The following VANGL2 variants were observed in gnomAD, a reference collection of about 807,000 sequenced individuals.
The protein encoded by VANGL2 is vang-like protein 2.
VANGL2 carries 14 observed loss-of-function variants against 50.2 expected under a neutral mutation model. The ratio of observed to expected loss-of-function variants is 0.28; its 90% CI spans 0.18 to 0.44. VANGL2 has a LOEUF of 0.44. Among genes scored for constraint, VANGL2 ranks in the 20% least tolerant of loss-of-function variants. The pLI, the probability that VANGL2 is intolerant of heterozygous loss-of-function variation, is 1.00. For synonymous variants in VANGL2, 295 were observed against 297.2 expected, an observed-to-expected ratio of 0.99 and a Z score of 0.08; for missense variants, 533 against 701.5, an observed-to-expected ratio of 0.76 and a Z score of 2.71.
intron 1 of VANGL2, among the ~76,000 whole-genome samples, chr1:160,409,172 G>A (rs1571237801): frequency 6.6e-6 from 1 of 152,196 alleles, no homozygotes. Flanking sequence ...GGCTACTCAA[G>A]GAACCAGTGT....
At chr1:160,418,087 G>C (rs543893195) in intron 3 of VANGL2, among the ~76,000 whole-genome samples, 27 of 151,736 alleles carry the variant, frequency 1.8e-4, no homozygotes, top group Non-Finnish European at 1.9e-4. Context: ...AATTTTTTGT[G>C]TGTGTGTGTT....
At chr1:160,411,863 GGTGTGTGTGT>G (rs144604516) in intron 1 of VANGL2, among the ~76,000 whole-genome samples, 1 of 150,282 alleles carries the variant, frequency 6.7e-6, no homozygotes, top group Admixed American at 6.6e-5. Context: ...GGTTCTGGTT[GGTGTGTGTGT>G]GTGTGTGTAT....
intron 1 of VANGL2, among the ~76,000 whole-genome samples, chr1:160,411,723 G>A (rs1318783731): frequency 6.6e-6 from 1 of 152,156 alleles, no homozygotes; most frequent in East Asian, 1.9e-4. Flanking sequence ...AGTAGCAGGG[G>A]AGGAAGATAG....
At chr1:160,403,689 A>G (rs1650558840) in intron 1 of VANGL2, among the ~76,000 whole-genome samples, 1 of 152,162 alleles carries the variant, frequency 6.6e-6, no homozygotes, top group South Asian at 2.1e-4. Context: ...CCTTCCCTCA[A>G]GTGTTCATCA....
Position 160,421,140 on chromosome 1 carries a change from C to T in VANGL2, c.1026C>T (p.Tyr342=), listed in dbSNP as rs774638275. The part of the protein sequence containing the change: ...RRRDNSHNEY[Y]YEEAEHERRV... ...GGGACAACAGTCACAATGAGTACTA[C>T]TATGAGGAGGCTGAGCATGAGCGAA... The change falls in exon 6 of 8, where the codon TAC becomes TAT. Residue 342 remains tyrosine (Y), a synonymous_variant. Coordinates refer to ENST00000368061, the MANE Select transcript of VANGL2 (RefSeq NM_020335.3). 8.0e-5 allele frequency: 129 copies of T among 1,613,920 alleles called. No homozygotes were observed. Among genetic ancestry groups the T allele is most frequent in the East Asian group, 7.6e-4 (34 of 44,892 alleles).
chr1:160,407,233 G>A (rs558456604), intron 1 of VANGL2, among the ~76,000 whole-genome samples: 1 of 152,182 alleles, frequency 6.6e-6, no homozygotes, highest in Admixed American at 6.5e-5. Context: ...TCAGGTAGGG[G>A]GGTGGTCGCG....
Position 160,425,183 on chromosome 1 carries a change from C to T in VANGL2, c.1371C>T (p.Ala457=), listed in dbSNP as rs201765168. 4.8e-4 allele frequency: 767 copies of T among 1,614,120 alleles called. 8 individuals carry two copies. In the South Asian group the frequency reaches 7.8e-3, roughly 16 times the overall value. ...AGTACCACAAGGAACGCTGGCTGGC[C>T]AAACAGTGGACATTGGTGAGCGAGG... ...TIQYHKERWL[A]KQWTLVSEEP... Residue 457 remains alanine (A), a synonymous_variant, in exon 8 of 8, where the codon GCC becomes GCT. Transcript: ENST00000368061.
In VANGL2 at chr1:160,420,555, G is replaced by A. The variant is rs749147823; in HGVS notation, c.937+8G>A. The A allele has an allele frequency of 6.2e-7, 1 of 1,614,144 alleles. No homozygotes were observed. Among genetic ancestry groups the A allele is most frequent in the Non-Finnish European group, 8.5e-7 (1 of 1,180,034 alleles). ...TGTATTCCCTCGGAGAGGGTGAGCA[G>A]CCCTGCTCCTCTGCCCTTCCCTGTC... On this transcript the variant is annotated splice_region_variant and intron_variant, in intron 5 of 7. Coordinates refer to ENST00000368061, the MANE Select transcript of VANGL2 (RefSeq NM_020335.3).
chr1:160,415,663 TTC>T lies in VANGL2; in HGVS notation c.-171_-170del. On this transcript the variant is annotated 5_prime_UTR_variant, in exon 2 of 8. Transcript: ENST00000368061. Reference sequence around the variant, plus strand: ...CTCTCACCAGGAGCGTCGCTGGATTTTCTCTGAGACAAGCCCACCCGTCCAGC... The same window carrying T: ...CTCTCACCAGGAGCGTCGCTGGATTTTCTGAGACAAGCCCACCCGTCCAGC... 1 of 723,518 alleles carries T rather than the reference TTC, an allele frequency of 1.4e-6. No individual in the cohort carries two copies. The allele number at this position is 723,518 out of a possible 1,614,324, so 44.8% of individuals were successfully genotyped here.
At chr1:160,414,541 G>T (rs1164606892) in intron 1 of VANGL2, among the ~76,000 whole-genome samples, 1 of 152,150 alleles carries the variant, frequency 6.6e-6, no homozygotes, top group Admixed American at 6.5e-5. Context: ...TTGCTGTTCT[G>T]CCCTTCCATC....
intron 7 of VANGL2, 24 bp from the exon 8 acceptor site, chr1:160,425,094 T>C (rs377167619): frequency 2.1e-5 from 34 of 1,613,894 alleles, no homozygotes; most frequent in Non-Finnish European, 2.8e-5. Flanking sequence ...GAGATTCTTA[T>C]GCAGCCCCTT....
chr1:160,407,497 G>A (rs1386111291), intron 1 of VANGL2, among the ~76,000 whole-genome samples: 1 of 152,112 alleles, frequency 6.6e-6, no homozygotes, highest in African/African-American at 2.4e-5. Context: ...CATCCTCACA[G>A]CTCAACTCTC....
Position 160,421,191 on chromosome 1 carries a change from G to T in VANGL2, c.1073+4G>T, listed in dbSNP as rs1284214643. 6.2e-7 allele frequency: 1 copy of T among 1,612,956 alleles called. No homozygotes were observed. The highest frequency in any genetic ancestry group is 8.5e-7 in the Non-Finnish European group (1 of 1,180,024). ...GGGTGCGCAAGAGGAGGGCCAGGTG[G>T]GTCCCTGGGGGAGAAGAGGAGAGGA... On this transcript the variant is annotated splice_donor_region_variant and intron_variant, in intron 6 of 7. Coordinates refer to ENST00000368061, the MANE Select transcript of VANGL2 (RefSeq NM_020335.3).
rs1651481500 is a variant in VANGL2 at position 160,427,077 on chromosome 1, AG to A, written c.*1703del. ...TGGCCAATGCTTACCTTGTCCCCAA[AG>A]GGGTGGGTTGTGGAGCTCACTTAGG... On this transcript the variant is annotated 3_prime_UTR_variant, in exon 8 of 8. Coordinates refer to ENST00000368061, the MANE Select transcript of VANGL2 (RefSeq NM_020335.3). 6.5e-6 allele frequency: 1 copy of A among 152,726 alleles called. No homozygotes were observed. Among genetic ancestry groups the A allele is most frequent in the Non-Finnish European group, 1.5e-5 (1 of 68,106 alleles). 9.5% of individuals were successfully genotyped at this position (152,726 alleles called of 1,614,324 possible).
rs754493544 is a variant in VANGL2 at position 160,416,069 on chromosome 1, C to T, written c.79C>T (p.Arg27Trp). ...SRSSRKHRDR[R>W]DRHRSKSRDG... Reference sequence around the variant, plus strand: ...TCTGGCTTCCTGCCGCAGGGACCGCCGGGACCGACACCGCTCTAAGAGTCG... The same window carrying T: ...TCTGGCTTCCTGCCGCAGGGACCGCTGGGACCGACACCGCTCTAAGAGTCG... Residue 27 changes from arginine to tryptophan, a missense_variant, in exon 3 of 8, where the codon CGG becomes TGG. Physicochemically the swap from Arg to Trp is moderately radical, Grantham distance 101. Transcript: ENST00000368061. 1.4e-5 allele frequency: 23 copies of T among 1,614,168 alleles called. No homozygotes were observed. Among genetic ancestry groups the T allele is most frequent in the South Asian group, 3.3e-5 (3 of 91,084 alleles).
In VANGL2 at chr1:160,427,873, C is replaced by T. The variant is rs1651514381; in HGVS notation, c.*2495C>T. On this transcript the variant is annotated 3_prime_UTR_variant, in exon 8 of 8. Transcript: ENST00000368061. The stretch of plus-strand genomic sequence containing the variant: ...TTGTGTGACTCATGGCATCCTCGTT[C>T]ATCCCCACCGTGCCTAGCAGGCCTT... 1 of 152,794 alleles carries T rather than the reference C, an allele frequency of 6.5e-6. No individual in the cohort carries two copies. Among genetic ancestry groups the T allele is most frequent in the Non-Finnish European group, 1.5e-5 (1 of 68,188 alleles). The allele number at this position is 152,794 out of a possible 1,614,324, so 9.5% of individuals were successfully genotyped here.
intron 7 of VANGL2, 50 bp downstream of exon 7, chr1:160,424,333 C>G (rs1453654043): frequency 6.5e-7 from 1 of 1,548,702 alleles, no homozygotes; most frequent in Non-Finnish European, 8.9e-7. Flanking sequence ...AGCTCCTCTT[C>G]TTTCCCACCT....
chr1:160,420,163 G>A (rs1557911243), intron 4 of VANGL2, among the ~76,000 whole-genome samples: 2 of 152,138 alleles, frequency 1.3e-5, no homozygotes, highest in Non-Finnish European at 2.9e-5. Context: ...ATCTTTGGCT[G>A]GGGACCCAGG....
At chr1:160,421,242 G>A in intron 6 of VANGL2, 55 bp downstream of exon 6, 3 of 1,602,426 alleles carry the variant, frequency 1.9e-6, no homozygotes, top group Non-Finnish European at 2.6e-6. Flanking sequence ...AATGGGGAGA[G>A]GAAGACCAAG....
Sources: gnomAD v4.1 joint callset for allele counts (sites outside exome capture counted in the v4.1 genomes callset) on GRCh38, gnomAD v4.1.1 for gene constraint, MANE v1.5 for transcripts, NCBI Gene and HGNC (gene_info 2026-07-23, HGNC 2026-07-21) for gene names.